The following ZNF800 variants were observed in gnomAD, a reference collection of about 807,000 sequenced individuals.
The protein encoded by ZNF800 is zinc finger protein 800.
ZNF800 carries 13 observed loss-of-function variants against 59.5 expected under a neutral mutation model. The observed-to-expected ratio is 0.22, with a 90% CI of 0.14 to 0.35. ZNF800 has a LOEUF of 0.35. ZNF800 is among the 10% of genes least tolerant of loss of function. The pLI, the probability that ZNF800 is intolerant of heterozygous loss-of-function variation, is 1.00. For synonymous variants in ZNF800, 266 were observed against 265.7 expected, an observed-to-expected ratio of 1.00 and a Z score of -0.01; for missense variants, 621 against 783.7, an observed-to-expected ratio of 0.79 and a Z score of 2.48.
At position 127,371,725 on chromosome 7, in the gene ZNF800, C is replaced by A; in HGVS notation, c.*89G>T. 1.5e-6 allele frequency: 1 copy of A among 667,658 alleles called. No individual in the cohort carries two copies. The highest frequency in any genetic ancestry group is 2.8e-6 in the Non-Finnish European group (1 of 363,426). The allele number at this position is 667,658 out of a possible 1,614,324, so 41.4% of individuals were successfully genotyped here. Reference sequence around the variant, plus strand: ...GTTTTTCTTTTTTTCCTCATAGTACCATTTGAAGATGTTTAGTGGTTCTAA... The same window carrying A: ...GTTTTTCTTTTTTTCCTCATAGTACAATTTGAAGATGTTTAGTGGTTCTAA... On this transcript the variant is annotated 3_prime_UTR_variant, in exon 6 of 6. Transcript: ENST00000265827.
intron 5 of ZNF800, among the ~76,000 whole-genome samples, chr7:127,372,117 A>G (rs1355400251): frequency 6.6e-6 from 1 of 152,212 alleles, no homozygotes; most frequent in Non-Finnish European, 1.5e-5. Flanking sequence ...CGAAAAGTAT[A>G]GGGAGTCTAC....
At chr7:127,356,593 A>G (rs1800275469) in intron 1 of ZNF800, among the ~76,000 whole-genome samples, 1 of 152,012 alleles carries the variant, frequency 6.6e-6, no homozygotes. Context: ...TTTAAACAAA[A>G]AGAGACTGGA....
chr7:127,369,610 A>G (rs1276653709), downstream of ZNF800, among the ~76,000 whole-genome samples: 3 of 152,116 alleles, frequency 2.0e-5, no homozygotes, highest in African/African-American at 7.2e-5. Flanking sequence ...TTCAGCTATT[A>G]TGATAAAATG....
chr7:127,353,035 G>GT (rs1051710687), intron 1 of ZNF800, among the ~76,000 whole-genome samples: 1 of 152,060 alleles, frequency 6.6e-6, no homozygotes, highest in Non-Finnish European at 1.5e-5. Flanking sequence ...GGCCAAAGTG[G>GT]TTTTTTCCCC....
chr7:127,343,534 A>G (rs1225275602), downstream of ZNF800, among the ~76,000 whole-genome samples: 3 of 152,022 alleles, frequency 2.0e-5, no homozygotes, highest in Non-Finnish European at 4.4e-5. Context: ...TTTTCAGAGA[A>G]TTGTCTTCTA....
intron 1 of ZNF800, among the ~76,000 whole-genome samples, chr7:127,352,814 A>G (rs1265318359): frequency 6.6e-6 from 1 of 152,166 alleles, no homozygotes; most frequent in Non-Finnish European, 1.5e-5. Context: ...TGGCCACATC[A>G]AAGTTCCTGT....
Position 127,391,805 on chromosome 7 carries a change from C to A in ZNF800, c.-58-190G>T, listed in dbSNP as rs551261975. On this transcript the variant is annotated intron_variant, in intron 1 of 5. Coordinates refer to ENST00000265827, the MANE Select transcript of ZNF800 (RefSeq NM_176814.5). ...AAACTCCCCACACAGGTTCATCGCC[C>A]TACCCGGAAACGCAGCCTCGGGTGC... 3.3e-5 allele frequency among the ~76,000 whole-genome samples: 5 copies of A among 152,268 alleles called. No homozygotes were observed. In the East Asian group the frequency reaches 9.7e-4, roughly 29 times the overall value.
chr7:127,367,922 T>G (rs1434152717), downstream of ZNF800, among the ~76,000 whole-genome samples: 1 of 152,122 alleles, frequency 6.6e-6, no homozygotes, highest in Non-Finnish European at 1.5e-5. Flanking sequence ...CTCAAACAGA[T>G]GCACCTATGG....
chr7:127,353,297 T>A (rs1301565066), intron 1 of ZNF800, among the ~76,000 whole-genome samples: 1 of 152,200 alleles, frequency 6.6e-6, no homozygotes, highest in Non-Finnish European at 1.5e-5. Flanking sequence ...TATGGCAGGA[T>A]CCTAACATGA....
downstream of ZNF800, among the ~76,000 whole-genome samples, chr7:127,344,133 T>C (rs1217094285): frequency 6.6e-6 from 1 of 151,944 alleles, no homozygotes; most frequent in Non-Finnish European, 1.5e-5. Flanking sequence ...AAATCACCAT[T>C]AATTATACTT....
chr7:127,360,684 C>T (rs1338718906), intron 1 of ZNF800: 1 of 151,900 alleles, frequency 6.6e-6, no homozygotes, highest in Non-Finnish European at 1.5e-5. Flanking sequence ...TTTATACTAA[C>T]AGCAACTCAA....
intron 3 of ZNF800, 128 bp downstream of exon 3, chr7:127,385,932 T>C (rs2117193412): frequency 1.7e-6 from 1 of 599,572 alleles, no homozygotes; most frequent in Admixed American, 3.5e-5. Flanking sequence ...AATATGAAAA[T>C]TTTAAATATT....
chr7:127,384,322 C>T (rs1003110286), intron 3 of ZNF800, among the ~76,000 whole-genome samples: 4 of 147,544 alleles, frequency 2.7e-5, no homozygotes, highest in Non-Finnish European at 4.5e-5. Flanking sequence ...CAAGCTCCCC[C>T]TCCCGGGTTC....
intron 1 of ZNF800, among the ~76,000 whole-genome samples, chr7:127,351,105 G>A (rs950402631): frequency 3.3e-5 from 5 of 152,274 alleles, no homozygotes; most frequent in South Asian, 2.1e-4. Flanking sequence ...AGTGAGTGAT[G>A]TCATTTGACA....
chr7:127,355,001 A>G lies in ZNF800; in HGVS notation n.225-6958T>C, dbSNP rs116932791. On this transcript the variant is annotated intron_variant and non_coding_transcript_variant, in intron 1 of 1. Coordinates refer to the ZNF800 transcript ENST00000485577. Reference sequence around the variant, plus strand: ...CCCACCTTTTTGACATATCCAAACTATTGCTTCTGAGATACACACTCTCAA... The same window carrying G: ...CCCACCTTTTTGACATATCCAAACTGTTGCTTCTGAGATACACACTCTCAA... 1.0e-3 allele frequency among the ~76,000 whole-genome samples: 155 copies of G among 152,192 alleles called. 2 individuals are homozygous for G. Among genetic ancestry groups the G allele is most frequent in the Admixed American group, 7.6e-3 (116 of 15,276 alleles).
chr7:127,374,740 A>T lies in ZNF800; in HGVS notation c.596T>A (p.Val199Asp), dbSNP rs1800738733. The change falls in exon 5 of 6, where the codon GTT becomes GAT. Residue 199 changes from valine to aspartate, a missense_variant. Around this residue, in one of 7 missense-constraint regions of ZNF800, gnomAD observed 218 missense variants for 230.8 expected, o/e 0.94. Transcript: ENST00000265827. ...AGATGTAGGTGCAACTTCATCTGTA[A>T]CAATCTCAACAGGAGGGGGCTCTAC... ...ETVEPPPVEI[V>D]TDEVAPTSDE... 2 of 1,613,832 alleles carry T rather than the reference A, an allele frequency of 1.2e-6. No homozygotes were observed. Among genetic ancestry groups the T allele is most frequent in the African/African-American group, 1.3e-5 (1 of 74,872 alleles).
At chr7:127,372,522 T>C (rs1800660781) in intron 5 of ZNF800, 4 of 744,292 alleles carry the variant, frequency 5.4e-6, no homozygotes, top group Non-Finnish European at 6.5e-6. Flanking sequence ...TTCTTCCAAA[T>C]ATGAATTTTA....
exon 2 of ZNF800, chr7:127,347,511 A>G (rs961636315): frequency 6.6e-6 from 1 of 152,186 alleles, no homozygotes; most frequent in Non-Finnish European, 1.5e-5. Flanking sequence ...AAATCTATAA[A>G]TTACAGGCTG....
chr7:127,343,062 A>G (rs1382702296), downstream of ZNF800, among the ~76,000 whole-genome samples: 1 of 152,104 alleles, frequency 6.6e-6, no homozygotes, highest in Non-Finnish European at 1.5e-5. Flanking sequence ...CTACATACCA[A>G]AACTTTTGAG....
Sources: gnomAD v4.1 joint callset for allele counts (sites outside exome capture counted in the v4.1 genomes callset) on GRCh38, gnomAD v4.1.1 for gene constraint, gnomAD v4.1.1 regional missense constraint, MANE v1.5 for transcripts, NCBI Gene and HGNC (gene_info 2026-07-23, HGNC 2026-07-21) for gene names.